RUBCNL: variants seen among roughly 807,000 people sequenced by gnomAD.
RUBCNL encodes the protein rubicon like autophagy enhancer.
A neutral mutation model predicts 69.5 loss-of-function variants in RUBCNL; 62 were observed. The observed-to-expected ratio is 0.89, with a 90% CI of 0.73 to 1.10. The LOEUF is 1.10. Among genes scored for constraint, RUBCNL ranks in the 50% least tolerant of loss-of-function variants. RUBCNL has a pLI of 0.00. For synonymous variants in RUBCNL, 291 were observed against 303.6 expected (o/e 0.96, Z 0.43); for missense variants, 768 against 798.1 (o/e 0.96, Z 0.45).
chr13:46,365,108 G>A (rs1340974874), intron 5 of RUBCNL, among the ~76,000 whole-genome samples: 3 of 152,060 alleles, frequency 2.0e-5, no homozygotes, highest in Admixed American at 6.6e-5. Flanking sequence ...TTTGAGACCA[G>A]CCTGGCCAAC....
chr13:46,387,162 C>G lies in RUBCNL; in HGVS notation c.-267G>C. The G allele has an allele frequency of 1.0e-6, 1 of 985,406 alleles. No individual in the cohort carries two copies. Among genetic ancestry groups the G allele is most frequent in the Non-Finnish European group, 1.2e-6 (1 of 829,960 alleles). The allele number at this position is 985,406 out of a possible 1,614,324, so 61.0% of individuals were successfully genotyped here. A position where few individuals can be genotyped will look rare whatever the true frequency, so the allele number is the denominator to read the frequency against. ...GCCAAACCCGAGCGGTGGAACGCTG[C>G]GCTGGGTAAACGCCGCGCGTCGGGT... On this transcript the variant is annotated 5_prime_UTR_variant, in exon 1 of 15. Transcript: ENST00000429979.
intron 1 of RUBCNL, 117 bp from the exon 2 acceptor site, chr13:46,378,122 C>T: frequency 5.2e-6 from 3 of 579,532 alleles, no homozygotes; most frequent in Non-Finnish European, 8.9e-6. Context: ...TTTTACTGAG[C>T]ATCTACTACA....
At chr13:46,389,707 G>T (rs572059918), upstream of RUBCNL, 145 of 152,300 alleles carry the variant, frequency 9.5e-4, 1 homozygote, top group African/African-American at 3.3e-3. This position sits in a 1 kb window ranked among gnomAD's most constrained non-coding sequence, Gnocchi z 4.2. Context: ...AGACGCAGGA[G>T]GTTCACATTC....
chr13:46,364,629 TA>T (rs34783424), intron 5 of RUBCNL, among the ~76,000 whole-genome samples: 101 of 139,564 alleles, frequency 7.2e-4, no homozygotes, highest in Non-Finnish European at 1.1e-3. Context: ...GTTTAACTGA[TA>T]AAAAAAAAAA....
At chr13:46,385,466 C>T (rs1489864134) in intron 1 of RUBCNL, among the ~76,000 whole-genome samples, 1 of 152,092 alleles carries the variant, frequency 6.6e-6, no homozygotes, top group Non-Finnish European at 1.5e-5. Context: ...CTAAATCTTC[C>T]ATATTAGAAA....
chr13:46,370,008 C>T (rs2048843546), intron 3 of RUBCNL, among the ~76,000 whole-genome samples: 1 of 152,140 alleles, frequency 6.6e-6, no homozygotes, highest in African/African-American at 2.4e-5. Flanking sequence ...TCTCTTCTGC[C>T]GCTGTAGTGA....
chr13:46,344,958 T>C (rs1016415357), intron 13 of RUBCNL, 127 bp from the exon 14 acceptor site: 2 of 622,100 alleles, frequency 3.2e-6, no homozygotes, highest in Non-Finnish European at 5.5e-6. Context: ...AGGAAAAGGA[T>C]GTTGTTTTGC....
intron 2 of RUBCNL, among the ~76,000 whole-genome samples, 173 bp from the exon 3 acceptor site, chr13:46,372,770 A>T (rs146342858): frequency 6.6e-6 from 1 of 152,362 alleles, no homozygotes; most frequent in African/African-American, 2.4e-5. Flanking sequence ...CAGCCATAAA[A>T]CTAGCAGTAA....
chr13:46,350,383 C>G, intron 10 of RUBCNL, 32 bp from the exon 11 acceptor site: 3 of 1,473,444 alleles, frequency 2.0e-6, no homozygotes, highest in Non-Finnish European at 2.8e-6. Context: ...GAGTGCCACA[C>G]CTGGTGCTGA....
chr13:46,354,568 T>C (rs2048441682), intron 10 of RUBCNL, among the ~76,000 whole-genome samples: 1 of 152,330 alleles, frequency 6.6e-6, no homozygotes, highest in African/African-American at 2.4e-5. Context: ...TCTTACTCTC[T>C]GGCCACACAG....
chr13:46,375,033 G>A (rs781759567), intron 2 of RUBCNL, among the ~76,000 whole-genome samples: 6 of 152,002 alleles, frequency 3.9e-5, no homozygotes, highest in South Asian at 2.1e-4. Context: ...TTTAGTTTTC[G>A]TCACAGAGGT....
chr13:46,364,239 C>CA (rs1193713863), intron 5 of RUBCNL, among the ~76,000 whole-genome samples: 2 of 151,232 alleles, frequency 1.3e-5, no homozygotes, highest in East Asian at 2.0e-4. Flanking sequence ...ACTAAAAATA[C>CA]AAAAAAAATT....
At chr13:46,356,831 A>G (rs2048496556) in intron 9 of RUBCNL, among the ~76,000 whole-genome samples, 1 of 151,210 alleles carries the variant, frequency 6.6e-6, no homozygotes, top group African/African-American at 2.4e-5. Flanking sequence ...CCTCCTGTGT[A>G]GGTAGCTAGG....
intron 9 of RUBCNL, among the ~76,000 whole-genome samples, chr13:46,358,080 G>A (rs2048530304): frequency 6.6e-6 from 1 of 152,290 alleles, no homozygotes; most frequent in South Asian, 2.1e-4. Context: ...GCCATAGTGA[G>A]GACCTAGGAA....
chr13:46,361,363 A>G, intron 8 of RUBCNL, 78 bp downstream of exon 8: 1 of 1,499,276 alleles, frequency 6.7e-7, no homozygotes, highest in East Asian at 2.3e-5. Context: ...AGGAAAGACA[A>G]ATGTTTAAAG....
intron 5 of RUBCNL, among the ~76,000 whole-genome samples, chr13:46,364,114 G>C (rs1183290483): frequency 6.6e-6 from 1 of 152,074 alleles, no homozygotes; most frequent in Admixed American, 6.6e-5. Context: ...AAGTTATGTG[G>C]GCTGGGCGCA....
intron 3 of RUBCNL, among the ~76,000 whole-genome samples, chr13:46,369,335 C>T (rs1248420578): frequency 6.6e-6 from 1 of 152,176 alleles, no homozygotes; most frequent in Non-Finnish European, 1.5e-5. Flanking sequence ...CTACCTCAGC[C>T]TCCCTAGCAG....
chr13:46,351,249 G>A (rs2476666), intron 10 of RUBCNL, among the ~76,000 whole-genome samples: 41,283 of 151,986 alleles, frequency 0.27, 5,948 homozygotes, highest in Middle Eastern at 0.31. Flanking sequence ...GCAACAGAGC[G>A]AGACCCTGTC....
chr13:46,359,434 GT>G, intron 9 of RUBCNL, 51 bp downstream of exon 9: 1 of 1,534,856 alleles, frequency 6.5e-7, no homozygotes. Context: ...GGTGGGATCT[GT>G]CACAATGTGA....
Sources: allele counts gnomAD v4.1 joint callset (sites outside exome capture counted in the v4.1 genomes callset), GRCh38; gene constraint gnomAD v4.1.1; non-coding constraint Gnocchi (gnomAD v3.1); transcripts MANE v1.5; gene names NCBI Gene and HGNC (gene_info 2026-07-23, HGNC 2026-07-21).